The following CACNA2D3 variants were observed in gnomAD, a reference collection of about 807,000 sequenced individuals.
The protein encoded by CACNA2D3 is voltage-dependent calcium channel subunit alpha-2/delta-3.
A neutral mutation model predicts 160.6 loss-of-function variants in CACNA2D3; 60 were observed. The observed-to-expected ratio is 0.37, with a 90% CI of 0.30 to 0.46. The LOEUF is 0.46. Among genes scored for constraint, CACNA2D3 ranks in the 20% least tolerant of loss-of-function variants. CACNA2D3 has a pLI of 1.00. For missense variants in CACNA2D3, 1,205 were observed against 1,365.0 expected (o/e 0.88, Z 1.85); for synonymous variants, 558 against 492.9 (o/e 1.13, Z -1.75).
At chr3:54,468,376 C>A (rs1454225398) in intron 4 of CACNA2D3, among the ~76,000 whole-genome samples, 3 of 152,168 alleles carry the variant, frequency 2.0e-5, no homozygotes, top group Non-Finnish European at 4.4e-5. Flanking sequence ...AGGGACTGTG[C>A]CGTGAGGAAT....
chr3:54,993,918 G>GTT (rs1450875277), intron 31 of CACNA2D3, among the ~76,000 whole-genome samples: 4 of 143,014 alleles, frequency 2.8e-5, no homozygotes, highest in Non-Finnish European at 6.0e-5. Context: ...GTGTGTGTGT[G>GTT]TGTTTTGTGT....
intron 11 of CACNA2D3, among the ~76,000 whole-genome samples, chr3:54,731,195 T>TA (rs1273337326): frequency 6.6e-6 from 1 of 152,198 alleles, no homozygotes; most frequent in Non-Finnish European, 1.5e-5. Context: ...TGTATGTACA[T>TA]ACTTTTTTCA....
intron 35 of CACNA2D3, among the ~76,000 whole-genome samples, chr3:55,029,617 G>A (rs1406602023): frequency 1.3e-5 from 2 of 152,016 alleles, no homozygotes; most frequent in African/African-American, 4.8e-5. Flanking sequence ...AATAGCTCTT[G>A]GATTTTTGCC....
chr3:54,717,072 G>A (rs898688858), intron 11 of CACNA2D3, among the ~76,000 whole-genome samples: 5 of 152,070 alleles, frequency 3.3e-5, no homozygotes, highest in Non-Finnish European at 5.9e-5. Context: ...AGTTTTACCT[G>A]TTATTGCACC....
At chr3:54,630,308 G>A (rs1300148324) in intron 10 of CACNA2D3, among the ~76,000 whole-genome samples, 2 of 152,020 alleles carry the variant, frequency 1.3e-5, no homozygotes, top group African/African-American at 4.8e-5. Flanking sequence ...AGGAGTGTCT[G>A]CTCCCCTTCC....
Position 54,740,772 on chromosome 3 carries a change from A to T in CACNA2D3, c.1168-11827A>T, listed in dbSNP as rs192504165. Among the ~76,000 whole-genome samples, 819 of 152,320 alleles carry T rather than the reference A, an allele frequency of 5.4e-3. 5 individuals are homozygous for T. The highest frequency in any genetic ancestry group is 9.1e-3 in the Non-Finnish European group (619 of 68,036). On this transcript the variant is annotated intron_variant, in intron 11 of 37. Transcript: ENST00000474759. The stretch of plus-strand genomic sequence containing the variant: ...TGCTATTTTGGACTAATTCCTAGTG[A>T]CAGGGAGGATGGGTTGGGAAAATAG...
At chr3:54,169,699 G>GTGTGTGCAAGTGTGCA (rs1339666124) in intron 2 of CACNA2D3, among the ~76,000 whole-genome samples, 2 of 151,648 alleles carry the variant, frequency 1.3e-5, no homozygotes, top group Non-Finnish European at 2.9e-5. Context: ...GTGTGCATGT[G>GTGTGTGCAAGTGTGCA]TGTGTGCAAG....
intron 4 of CACNA2D3, among the ~76,000 whole-genome samples, chr3:54,416,905 A>G (rs902619719): frequency 3.9e-5 from 6 of 152,202 alleles, no homozygotes; most frequent in Non-Finnish European, 7.3e-5. Context: ...ATTGGATACA[A>G]AAAATTGGAA....
chr3:55,062,280 CTTT>C (rs10693110), intron 35 of CACNA2D3, among the ~76,000 whole-genome samples: 10 of 139,840 alleles, frequency 7.2e-5, no homozygotes, highest in Admixed American at 7.2e-5. Context: ...TCATATCTGT[CTTT>C]TTTTTTTTTT....
intron 2 of CACNA2D3, among the ~76,000 whole-genome samples, chr3:54,170,628 C>T (rs1700544793): frequency 6.6e-6 from 1 of 152,142 alleles, no homozygotes; most frequent in African/African-American, 2.4e-5. Context: ...CTCCCTCCCT[C>T]CCTCCTTTCT....
intron 27 of CACNA2D3, among the ~76,000 whole-genome samples, chr3:54,949,123 G>T (rs1020947854): frequency 6.6e-6 from 1 of 152,190 alleles, no homozygotes; most frequent in Admixed American, 6.5e-5. Context: ...TCAGTGGAAA[G>T]AAACCCCCTC....
intron 35 of CACNA2D3, among the ~76,000 whole-genome samples, chr3:55,043,995 C>A (rs757034116): frequency 6.6e-6 from 1 of 152,040 alleles, no homozygotes; most frequent in African/African-American, 2.4e-5. Flanking sequence ...AATATAAAAC[C>A]GTCTTGATTA....
At position 54,345,845 on chromosome 3, in the gene CACNA2D3, TAA is replaced by T. The variant is rs1553630984; in HGVS notation, c.321+25293_321+25294del. 1.9e-3 allele frequency among the ~76,000 whole-genome samples: 289 copies of T among 151,190 alleles called. 2 individuals carry two copies. The highest frequency in any genetic ancestry group is 0.014 in the South Asian group (66 of 4,758). ...CTCTCTTGATGCTCTTTTTTTTTTT[TAA>T]AAAAATTGCATGTGTAGAATCTGAA... On this transcript the variant is annotated intron_variant, in intron 3 of 37. Transcript: ENST00000474759.
At chr3:54,375,576 G>T (rs1698999365) in intron 3 of CACNA2D3, among the ~76,000 whole-genome samples, 1 of 152,158 alleles carries the variant, frequency 6.6e-6, no homozygotes, top group Non-Finnish European at 1.5e-5. Context: ...ACAGAGACAA[G>T]TTGGTAGTGG....
intron 35 of CACNA2D3, among the ~76,000 whole-genome samples, chr3:55,021,772 A>G (rs1239037127): frequency 6.7e-6 from 1 of 150,084 alleles, no homozygotes; most frequent in Non-Finnish European, 1.5e-5. Flanking sequence ...TCTCATTTTT[A>G]CCATTTTTTG....
intron 12 of CACNA2D3, among the ~76,000 whole-genome samples, chr3:54,753,905 A>G (rs1324491724): frequency 6.6e-6 from 1 of 152,132 alleles, no homozygotes; most frequent in African/African-American, 2.4e-5. Context: ...TCTTTTAGCA[A>G]TTTTCAAGTA....
At chr3:54,302,768 G>A (rs1703507648) in intron 2 of CACNA2D3, among the ~76,000 whole-genome samples, 1 of 151,752 alleles carries the variant, frequency 6.6e-6, no homozygotes, top group African/African-American at 2.4e-5. Context: ...TCCTTCATCT[G>A]TTTCTCTCTT....
At chr3:54,356,088 A>G (rs1323304295) in intron 3 of CACNA2D3, among the ~76,000 whole-genome samples, 1 of 119,164 alleles carries the variant, frequency 8.4e-6, no homozygotes, top group African/African-American at 3.2e-5. Flanking sequence ...TGTGATGACA[A>G]TCCCACAATG....
At chr3:54,136,060 C>G (rs1457615103) in intron 2 of CACNA2D3, among the ~76,000 whole-genome samples, 2 of 152,244 alleles carry the variant, frequency 1.3e-5, no homozygotes, top group African/African-American at 4.8e-5. Context: ...CTGATCTCCA[C>G]TGGAAATCTG....
Sources: gnomAD v4.1 joint callset for allele counts (sites outside exome capture counted in the v4.1 genomes callset) on GRCh38, gnomAD v4.1.1 for gene constraint, MANE v1.5 for transcripts, NCBI Gene and HGNC (gene_info 2026-07-23, HGNC 2026-07-21) for gene names.